The following GLMN variants were observed in gnomAD, a reference collection of about 807,000 sequenced individuals.
GLMN encodes glomulin, FKBP associated protein.
GLMN carries 75 observed loss-of-function variants against 87.8 expected under a neutral mutation model. The observed-to-expected ratio is 0.85, with a 90% CI of 0.71 to 1.04. The LOEUF (loss-of-function observed/expected upper bound fraction) is 1.04, where lower values mean the gene tolerates loss of function less well. GLMN is among the 50% of genes least tolerant of loss of function. The pLI, the probability that GLMN is intolerant of heterozygous loss-of-function variation, is 0.00. For synonymous variants in GLMN, 206 were observed against 221.6 expected, an observed-to-expected ratio of 0.93 and a Z score of 0.63; for missense variants, 588 against 658.8, an observed-to-expected ratio of 0.89 and a Z score of 1.18.
At chr1:92,369,443 T>C in the GLMN span, among the ~76,000 whole-genome samples, 1 of 152,166 alleles carries the variant, frequency 6.6e-6, no homozygotes, top group Non-Finnish European at 1.5e-5. Flanking sequence ...TTGTTGGGAC[T>C]TCAGGCGTGC....
intron 16 of GLMN, among the ~76,000 whole-genome samples, chr1:92,256,475 C>A (rs1223900381): frequency 1.3e-5 from 2 of 152,184 alleles, no homozygotes; most frequent in African/African-American, 4.8e-5. Flanking sequence ...AGGCCAATAT[C>A]CCTGATGAAC....
upstream of GLMN, chr1:92,300,116 T>C: frequency 4.1e-6 from 4 of 964,660 alleles, no homozygotes; most frequent in Admixed American, 2.1e-5. Flanking sequence ...ATTTTAATCT[T>C]ATGAGACCGC....
chr1:92,263,677 A>C lies in GLMN; in HGVS notation c.1355T>G (p.Leu452Trp). The change falls in exon 15 of 19, where the codon TTG (leucine) becomes TGG (tryptophan). Residue 452 changes from leucine (L) to tryptophan (W), a missense_variant. Physicochemically the swap from Leu to Trp is moderately conservative, Grantham distance 61. Transcript: ENST00000370360. ...TGPQLISLLD[L>W]VLFLPEGAET... is the part of the protein sequence containing the mutation. ...TGCACCCTCTGGGAGAAAAAGTACCAAATCAAGAAGGGAAATCAACTGTGG... is the reference window on the plus strand; with the variant it reads ...TGCACCCTCTGGGAGAAAAAGTACCCAATCAAGAAGGGAAATCAACTGTGG... The C allele has an allele frequency of 6.2e-7, 1 of 1,605,530 alleles. No homozygotes were observed. Among genetic ancestry groups the C allele is most frequent in the South Asian group, 1.1e-5 (1 of 90,902 alleles).
chr1:92,307,022 A>C, the GLMN span, among the ~76,000 whole-genome samples: 1 of 152,172 alleles, frequency 6.6e-6, no homozygotes, highest in Non-Finnish European at 1.5e-5. Context: ...GGGAAGGGGC[A>C]CATAGAGGCC....
At chr1:92,246,912 A>C (rs755678026) in intron 18 of GLMN, 150 bp downstream of exon 18, 12 of 709,270 alleles carry the variant, frequency 1.7e-5, no homozygotes, top group Non-Finnish European at 3.0e-5. Flanking sequence ...AGTCCTGGCT[A>C]ATCAGGAATC....
the GLMN span, among the ~76,000 whole-genome samples, chr1:92,323,265 A>G: frequency 6.6e-5 from 10 of 151,928 alleles, no homozygotes; most frequent in South Asian, 1.7e-3. Flanking sequence ...TACTGAAATT[A>G]TAGGCTTCTT....
chr1:92,276,150 T>C (rs1647270695), intron 7 of GLMN, among the ~76,000 whole-genome samples: 1 of 151,934 alleles, frequency 6.6e-6, no homozygotes, highest in African/African-American at 2.4e-5. Context: ...CACTTGAGCC[T>C]GGGAGGTTGA....
the GLMN span, among the ~76,000 whole-genome samples, chr1:92,348,914 G>C: frequency 0.13 from 20,314 of 152,182 alleles, 1,830 homozygotes; most frequent in Non-Finnish European, 0.2. Flanking sequence ...GCCAGCATTG[G>C]ATAAATAGCC....
the GLMN span, chr1:92,324,180 C>T: frequency 8.1e-5 from 131 of 1,613,980 alleles, no homozygotes; most frequent in Non-Finnish European, 1.1e-4. Context: ...ATAGTCATTT[C>T]CCTGCCTGGA....
the GLMN span, among the ~76,000 whole-genome samples, chr1:92,343,163 G>T: frequency 6.6e-6 from 1 of 152,196 alleles, no homozygotes; most frequent in Non-Finnish European, 1.5e-5. Flanking sequence ...GAGTGCTCAT[G>T]AGAGGTGGGG....
At chr1:92,271,093 A>C (rs1270400322) in intron 8 of GLMN, among the ~76,000 whole-genome samples, 4 of 152,200 alleles carry the variant, frequency 2.6e-5, no homozygotes, top group Admixed American at 6.5e-5. Context: ...GTGTTAAATT[A>C]AAAGGAAGTA....
the GLMN span, among the ~76,000 whole-genome samples, chr1:92,369,283 T>C: frequency 5.3e-3 from 809 of 152,278 alleles, 15 homozygotes; most frequent in Middle Eastern, 0.024. Flanking sequence ...GGGGTTTTGC[T>C]TGTTTGTTTT....
At chr1:92,331,722 A>G in the GLMN span, among the ~76,000 whole-genome samples, 4 of 152,236 alleles carry the variant, frequency 2.6e-5, no homozygotes, top group South Asian at 8.3e-4. Context: ...GATTTATTCA[A>G]TTAATTACTC....
At chr1:92,319,086 G>C in the GLMN span, among the ~76,000 whole-genome samples, 1 of 152,180 alleles carries the variant, frequency 6.6e-6, no homozygotes, top group Non-Finnish European at 1.5e-5. Flanking sequence ...AAATACCCCA[G>C]AGTGGAGATT....
rs1205057892 is a variant in GLMN at position 92,297,419 on chromosome 1, T to C, written c.150A>G (p.Gln50=). ...TTGTACGCACCTTATTCTTTTCATT[T>C]TGAATAATTTCTAATAGCTGGTCTG... ...GHTDQLLEII[Q]NEKNKVIIKN... Residue 50 remains glutamine (Q), a synonymous_variant, in exon 3 of 19, where the codon CAA becomes CAG. Transcript: ENST00000370360. 2 of 1,611,514 alleles carry C rather than the reference T, an allele frequency of 1.2e-6. No individual in the cohort carries two copies. Among genetic ancestry groups the C allele is most frequent in the Non-Finnish European group, 1.7e-6 (2 of 1,178,276 alleles).
At chr1:92,343,502 A>G in the GLMN span, among the ~76,000 whole-genome samples, 6 of 152,218 alleles carry the variant, frequency 3.9e-5, no homozygotes, top group Non-Finnish European at 8.8e-5. Context: ...AATTTTGGAA[A>G]ATGATGGGGA....
the GLMN span, among the ~76,000 whole-genome samples, chr1:92,317,762 T>C: frequency 6.6e-6 from 1 of 152,212 alleles, no homozygotes; most frequent in African/African-American, 2.4e-5. Flanking sequence ...CTTTTTCCCT[T>C]GCCTTCTTTA....
intron 3 of GLMN, among the ~76,000 whole-genome samples, chr1:92,291,942 T>A (rs894974044): frequency 6.6e-6 from 1 of 152,122 alleles, no homozygotes; most frequent in African/African-American, 2.4e-5. Context: ...CTAAATATAA[T>A]CCTTGTAATT....
chr1:92,285,452 C>T (rs894849166), intron 7 of GLMN, among the ~76,000 whole-genome samples: 1 of 151,732 alleles, frequency 6.6e-6, no homozygotes, highest in Admixed American at 6.6e-5. Flanking sequence ...CATCACACAC[C>T]ATGGCTGGTT....
Sources: gnomAD v4.1 joint callset for allele counts (sites outside exome capture counted in the v4.1 genomes callset) on GRCh38, gnomAD v4.1.1 for gene constraint, MANE v1.5 for transcripts, NCBI Gene and HGNC (gene_info 2026-07-23, HGNC 2026-07-21) for gene names.